CELF2: variants seen among roughly 807,000 people sequenced by gnomAD.
CELF2 encodes the protein CUG triplet repeat RNA-binding protein 2.
Under a neutral mutation model 62.6 loss-of-function variants are expected in CELF2, and 8 were observed. The observed-to-expected ratio is 0.13, with a 90% CI of 0.07 to 0.23. The LOEUF (loss-of-function observed/expected upper bound fraction) is 0.23, where lower values mean the gene tolerates loss of function less well. Among genes scored for constraint, CELF2 ranks in the 10% least tolerant of loss-of-function variants. The probability of loss-of-function intolerance (pLI) is 1.00; values close to 1 mark genes in which losing one functional copy is unlikely to be tolerated. For missense variants in CELF2, 333 were observed against 671.0 expected, an observed-to-expected ratio of 0.50 and a Z score of 5.56; for synonymous variants, 258 against 250.0, an observed-to-expected ratio of 1.03 and a Z score of -0.30.
At chr10:10,915,635 A>C (rs1411031394) in intron 1 of CELF2, among the ~76,000 whole-genome samples, 1 of 152,008 alleles carries the variant, frequency 6.6e-6, no homozygotes, top group African/African-American at 2.4e-5. Flanking sequence ...CAGTATTGCT[A>C]TGTGGCCTAG....
the CELF2 span, among the ~76,000 whole-genome samples, chr10:10,482,952 T>C: frequency 6.6e-5 from 10 of 152,202 alleles, no homozygotes; most frequent in Non-Finnish European, 1.2e-4. Context: ...CTGCTTCACC[T>C]GCCTGGCCCC....
chr10:11,273,542 G>T (rs1280842744), intron 7 of CELF2, among the ~76,000 whole-genome samples: 2 of 152,076 alleles, frequency 1.3e-5, no homozygotes, highest in Non-Finnish European at 2.9e-5. Flanking sequence ...GGGACTGCTG[G>T]AATCAGCCAC....
Position 11,159,788 on chromosome 10 carries a change from CCAAA to C in CELF2, c.75-5693_75-5690del, listed in dbSNP as rs765698831. On this transcript the variant is annotated intron_variant, in intron 1 of 12. Transcript: ENST00000633077. This position sits in a 1 kb window ranked among gnomAD's most constrained non-coding sequence, Gnocchi z 5.0. ...AGTCTTGGACAGTTTCCTGTAATAACCAAACAAAGCCTGTTTCTTCGTGTGCTAT... is the reference window on the plus strand; with the variant it reads ...AGTCTTGGACAGTTTCCTGTAATAACCAAAGCCTGTTTCTTCGTGTGCTAT... Among the ~76,000 whole-genome samples, 1 of 152,218 alleles carries C rather than the reference CCAAA, an allele frequency of 6.6e-6. No individual in the cohort carries two copies. Among genetic ancestry groups the C allele is most frequent in the Non-Finnish European group, 1.5e-5 (1 of 68,036 alleles).
intron 1 of CELF2, among the ~76,000 whole-genome samples, chr10:10,873,714 T>C (rs1400724623): frequency 6.6e-6 from 1 of 152,230 alleles, no homozygotes; most frequent in Non-Finnish European, 1.5e-5. Flanking sequence ...CGAAGATCTG[T>C]TCATCTCTCC....
intron 2 of CELF2, among the ~76,000 whole-genome samples, chr10:11,201,313 C>T (rs1350069416): frequency 2.0e-5 from 3 of 152,174 alleles, no homozygotes; most frequent in Non-Finnish European, 4.4e-5. Flanking sequence ...GACTTTTAAA[C>T]ACAGAACCCT....
intron 2 of CELF2, among the ~76,000 whole-genome samples, chr10:10,996,043 G>A (rs1001680233): frequency 2.0e-5 from 3 of 152,180 alleles, no homozygotes; most frequent in Admixed American, 6.5e-5. Flanking sequence ...TACTAAAAAA[G>A]TTTAAAGTAT....
In CELF2 at chr10:11,302,007, C is replaced by T. The variant is rs2093806064; in HGVS notation, c.977-12132C>T. 6.6e-6 allele frequency among the ~76,000 whole-genome samples: 1 copy of T among 152,220 alleles called. No homozygotes were observed. The highest frequency in any genetic ancestry group is 2.4e-5 in the African/African-American group (1 of 41,462). The stretch of plus-strand genomic sequence containing the variant: ...CCCTCCTCCGCTCAGCAGATGCCAG[C>T]TCAGTGCCCGCTGCACCAGTGATTC... On this transcript the variant is annotated intron_variant, in intron 9 of 12. Transcript: ENST00000633077. This position sits in a 1 kb window ranked among gnomAD's most constrained non-coding sequence, Gnocchi z 5.0.
In CELF2 at chr10:11,314,415, T is replaced by G; in HGVS notation, c.1096+157T>G. The stretch of plus-strand genomic sequence containing the variant: ...CACATGCTTTGATAGGCAAAAGCTG[T>G]CTACACTCGTTTTGCCTCAGAAAAT... On this transcript the variant is annotated intron_variant, in intron 10 of 12. Transcript: ENST00000633077. The surrounding 1 kb of genome is among the most constrained non-coding windows in gnomAD (Gnocchi z 5.3). 1 of 920,014 alleles carries G rather than the reference T, an allele frequency of 1.1e-6. No homozygotes were observed. The highest frequency in any genetic ancestry group is 1.7e-6 in the Non-Finnish European group (1 of 579,160). 57.0% of individuals were successfully genotyped at this position (920,014 alleles called of 1,614,324 possible).
the CELF2 span, among the ~76,000 whole-genome samples, chr10:10,761,638 C>T: frequency 2.0e-5 from 3 of 152,174 alleles, no homozygotes; most frequent in South Asian, 6.2e-4. Context: ...GCCAACCTCC[C>T]ACATCGCAAG....
At chr10:10,653,460 C>G in the CELF2 span, among the ~76,000 whole-genome samples, 55 of 145,834 alleles carry the variant, frequency 3.8e-4, no homozygotes, top group South Asian at 4.0e-3. Context: ...TGACCACATA[C>G]TTGGAAGTAA....
intron 1 of CELF2, among the ~76,000 whole-genome samples, chr10:10,829,009 T>C (rs1450930695): frequency 6.6e-6 from 1 of 152,218 alleles, no homozygotes. Flanking sequence ...GACCAGAGTT[T>C]AGAAGAGGGG....
chr10:11,197,029 G>GAAAGAAAGA (rs2057920453), intron 2 of CELF2, among the ~76,000 whole-genome samples: 1 of 17,552 alleles, frequency 5.7e-5, no homozygotes, highest in East Asian at 3.6e-4. Context: ...AGAAAGAAAA[G>GAAAGAAAGA]AAAGAAAGAA....
Position 11,165,468 on chromosome 10 carries a change from C to T in CELF2, c.75-18C>T, listed in dbSNP as rs749157794. Reference sequence around the variant, plus strand: ...ATCGTGCCGCCCTAACTCTGGCTCCCGGTTCCGTTTTTGACAGTAACGGCA... The same window carrying T: ...ATCGTGCCGCCCTAACTCTGGCTCCTGGTTCCGTTTTTGACAGTAACGGCA... On this transcript the variant is annotated intron_variant, in intron 1 of 12. Coordinates refer to ENST00000633077, the MANE Select transcript of CELF2 (RefSeq NM_001326342.2). The surrounding 1 kb of genome is among the most constrained non-coding windows in gnomAD (Gnocchi z 7.4). 4 of 1,608,720 alleles carry T rather than the reference C, an allele frequency of 2.5e-6. No homozygotes were observed. The highest frequency in any genetic ancestry group is 2.2e-5 in the East Asian group (1 of 44,504).
At chr10:11,119,869 C>CCCCCCG (rs2057372179) in intron 1 of CELF2, among the ~76,000 whole-genome samples, 1 of 132,952 alleles carries the variant, frequency 7.5e-6, no homozygotes, top group Non-Finnish European at 1.7e-5. Flanking sequence ...CCGCCTCCCC[C>CCCCCCG]CCCCCGGCCC....
chr10:11,028,101 C>A (rs1019669197), intron 1 of CELF2, among the ~76,000 whole-genome samples: 4 of 152,206 alleles, frequency 2.6e-5, no homozygotes, highest in Non-Finnish European at 5.9e-5. Context: ...TCAGAAAACG[C>A]GCAGTCCCTA....
chr10:10,733,618 G>T, the CELF2 span, among the ~76,000 whole-genome samples: 5 of 151,910 alleles, frequency 3.3e-5, no homozygotes, highest in African/African-American at 1.2e-4. Flanking sequence ...GGCTTGGGGG[G>T]GCCTCACAAT....
At chr10:11,180,141 C>T (rs2072813182) in intron 2 of CELF2, among the ~76,000 whole-genome samples, 1 of 152,102 alleles carries the variant, frequency 6.6e-6, no homozygotes, top group South Asian at 2.1e-4. Context: ...CCCGTCTGAG[C>T]CATGATGTCT....
At chr10:10,757,660 T>C in the CELF2 span, among the ~76,000 whole-genome samples, 3 of 152,160 alleles carry the variant, frequency 2.0e-5, no homozygotes, top group South Asian at 2.1e-4. Flanking sequence ...ACAGACTTTT[T>C]CCCAAAAATA....
At chr10:11,155,937 A>C (rs1450375975) in intron 1 of CELF2, among the ~76,000 whole-genome samples, 1 of 152,240 alleles carries the variant, frequency 6.6e-6, no homozygotes, top group African/African-American at 2.4e-5. Context: ...GACCAGCCTG[A>C]GATTAAATTC....
Sources: allele counts gnomAD v4.1 joint callset (sites outside exome capture counted in the v4.1 genomes callset), GRCh38; gene constraint gnomAD v4.1.1; non-coding constraint Gnocchi (gnomAD v3.1); transcripts MANE v1.5; gene names NCBI Gene and HGNC (gene_info 2026-07-23, HGNC 2026-07-21).